The following ERC2 variants were observed in gnomAD, a reference collection of about 807,000 sequenced individuals.
ERC2 encodes ELKS/RAB6-interacting/CAST family member 2, also known as ERC protein 2.
A neutral mutation model predicts 114.8 loss-of-function variants in ERC2; 42 were observed. The observed-to-expected ratio is 0.37, with a 90% CI of 0.29 to 0.47. The LOEUF (loss-of-function observed/expected upper bound fraction) is 0.47, where lower values mean the gene tolerates loss of function less well. ERC2 is among the 20% of genes least tolerant of loss of function. The pLI, the probability that ERC2 is intolerant of heterozygous loss-of-function variation, is 0.99. For synonymous variants in ERC2, 454 were observed against 425.5 expected (o/e 1.07, Z -0.82); for missense variants, 939 against 1,150.7 (o/e 0.82, Z 2.66).
intron 3 of ERC2, among the ~76,000 whole-genome samples, chr3:56,207,076 AT>A (rs2048779301): frequency 6.6e-6 from 1 of 152,174 alleles, no homozygotes; most frequent in Admixed American, 6.5e-5. Context: ...AGATAGGAAG[AT>A]TATCATTAGT....
intron 17 of ERC2, among the ~76,000 whole-genome samples, chr3:55,556,891 G>A (rs367848482): frequency 3.3e-5 from 5 of 152,300 alleles, no homozygotes; most frequent in South Asian, 4.2e-4. Context: ...CTGAATAGGG[G>A]ATAGAGAAGA....
chr3:55,962,228 G>C (rs527991933), intron 12 of ERC2, among the ~76,000 whole-genome samples: 16 of 152,308 alleles, frequency 1.1e-4, no homozygotes, highest in Admixed American at 3.9e-4. Context: ...CAGACTGATG[G>C]CTTGTTCTCA....
chr3:55,623,814 T>G (rs1676337033), intron 17 of ERC2, among the ~76,000 whole-genome samples: 1 of 152,222 alleles, frequency 6.6e-6, no homozygotes, highest in South Asian at 2.1e-4. Context: ...CCTGTCCAGG[T>G]GTGCTCTCGC....
intron 2 of ERC2, among the ~76,000 whole-genome samples, chr3:56,319,242 T>C (rs1219446727): frequency 6.6e-6 from 1 of 151,804 alleles, no homozygotes; most frequent in East Asian, 1.9e-4. Context: ...TGAAACTAAG[T>C]GTTCATAAAT....
intron 13 of ERC2, among the ~76,000 whole-genome samples, chr3:55,909,045 T>C (rs570224184): frequency 7.6e-4 from 116 of 152,284 alleles, no homozygotes; most frequent in African/African-American, 2.6e-3. Context: ...CACTATTATT[T>C]CCATGTTACA....
rs1331269930 is a variant in ERC2, at chr3:55,808,740, T to TAA, written c.2565-73823_2565-73822insTT. Among the ~76,000 whole-genome samples the TAA allele has an allele frequency of 8.3e-3, 684 of 82,740 alleles. 5 individuals are homozygous for TAA. The highest frequency in any genetic ancestry group is 0.012 in the Non-Finnish European group (492 of 40,006). 54.3% of individuals were successfully genotyped at this position (82,740 alleles called of 152,430 possible). A position where few individuals can be genotyped will look rare whatever the true frequency, so the allele number is the denominator to read the frequency against. On this transcript the variant is annotated intron_variant, in intron 14 of 17. Coordinates refer to ENST00000288221, the MANE Select transcript of ERC2 (RefSeq NM_015576.3). ...ATATATATATATATATATATATATA[T>TAA]ATAACGTATAACTAAACATATATAT...
intron 6 of ERC2, among the ~76,000 whole-genome samples, chr3:56,137,180 A>G (rs887234445): frequency 1.3e-5 from 2 of 152,178 alleles, no homozygotes; most frequent in African/African-American, 4.8e-5. Flanking sequence ...CTGGCTCCTC[A>G]TTCATTTTCT....
At chr3:56,222,751 A>AC (rs1338996327) in intron 3 of ERC2, among the ~76,000 whole-genome samples, 1 of 152,258 alleles carries the variant, frequency 6.6e-6, no homozygotes, top group Non-Finnish European at 1.5e-5. Context: ...CAAATGCTAT[A>AC]CAACCGCTAT....
intron 15 of ERC2, among the ~76,000 whole-genome samples, chr3:55,709,250 G>A (rs986178088): frequency 9.9e-5 from 15 of 151,946 alleles, no homozygotes; most frequent in Admixed American, 9.8e-4. Context: ...GAAAGAGGCC[G>A]TGAGAGTCTT....
intron 17 of ERC2, among the ~76,000 whole-genome samples, chr3:55,529,889 C>G (rs1477018996): frequency 6.6e-6 from 1 of 152,154 alleles, no homozygotes; most frequent in East Asian, 1.9e-4. Context: ...GAGTTCTAGT[C>G]CCAATATTGC....
At chr3:55,903,802 C>T (rs530174628) in intron 13 of ERC2, among the ~76,000 whole-genome samples, 1 of 152,360 alleles carries the variant, frequency 6.6e-6, no homozygotes, top group African/African-American at 2.4e-5. Context: ...GAGGCCAGGG[C>T]TGTCAGGCCC....
chr3:56,287,235 C>T (rs768802414), intron 3 of ERC2, among the ~76,000 whole-genome samples: 2 of 152,152 alleles, frequency 1.3e-5, no homozygotes, highest in Non-Finnish European at 2.9e-5. Context: ...AAATACTCAA[C>T]AAAAACTAGG....
Position 55,907,618 on chromosome 3 carries a change from G to A in ERC2, c.2404-19069C>T, listed in dbSNP as rs150169063. On this transcript the variant is annotated intron_variant, in intron 13 of 17. Coordinates refer to ENST00000288221, the MANE Select transcript of ERC2 (RefSeq NM_015576.3). ...CCCACCCCATAGTTTTCAGTGTGAT[G>A]GGAGAGATCCATCAGTATAAAACAT... Among the ~76,000 whole-genome samples, 30 of 152,290 alleles carry A rather than the reference G, an allele frequency of 2.0e-4. No individual in the cohort carries two copies. The East Asian group carries it at 5.2e-3, about 27-fold the overall frequency.
chr3:56,272,411 T>C (rs1347972228), intron 3 of ERC2, among the ~76,000 whole-genome samples: 1 of 152,190 alleles, frequency 6.6e-6, no homozygotes, highest in East Asian at 1.9e-4. Context: ...CATTTTCCCA[T>C]CCTTGGTGAC....
intron 12 of ERC2, among the ~76,000 whole-genome samples, chr3:55,962,720 G>A (rs2068473269): frequency 6.6e-6 from 1 of 152,214 alleles, no homozygotes; most frequent in Non-Finnish European, 1.5e-5. Flanking sequence ...ACCGTCGAAA[G>A]TTACAGAGCT....
intron 4 of ERC2, among the ~76,000 whole-genome samples, chr3:56,171,943 G>A (rs1431920682): frequency 6.9e-6 from 1 of 145,664 alleles, no homozygotes; most frequent in Non-Finnish European, 1.5e-5. Context: ...GTGTGGAGGT[G>A]GATGGAAGGG....
In ERC2 at chr3:56,228,320, T is replaced by C. The variant is rs1222257241; in HGVS notation, c.1075-54800A>G. Among the ~76,000 whole-genome samples, 9 of 152,302 alleles carry C rather than the reference T, an allele frequency of 5.9e-5. No homozygotes were observed. In the East Asian group the frequency reaches 1.5e-3, roughly 26 times the overall value. On this transcript the variant is annotated intron_variant, in intron 3 of 17. Transcript: ENST00000288221. The stretch of plus-strand genomic sequence containing the variant: ...CCATCCATCTCCGGAACTTCCCAAA[T>C]TGAAATTCCATGTTCATTAAACAAT...
intron 15 of ERC2, among the ~76,000 whole-genome samples, chr3:55,723,097 A>G (rs2064681454): frequency 6.6e-6 from 1 of 152,238 alleles, no homozygotes; most frequent in Non-Finnish European, 1.5e-5. Flanking sequence ...GGTAAAATTA[A>G]TGACTGCAAA....
At position 55,953,302 on chromosome 3, in the gene ERC2, C is replaced by G. The variant is rs531222764; in HGVS notation, c.2268-2742G>C. ...TCTCCAGCCATTCCTTTAAACACTC[C>G]CTTATTTAAGACAACAGTGACTGAA... On this transcript the variant is annotated intron_variant, in intron 12 of 17. Coordinates refer to ENST00000288221, the MANE Select transcript of ERC2 (RefSeq NM_015576.3). 1.1e-3 allele frequency among the ~76,000 whole-genome samples: 165 copies of G among 152,112 alleles called. 1 individual carries two copies. Among genetic ancestry groups the G allele is most frequent in the Non-Finnish European group, 1.9e-3 (132 of 67,990 alleles).
Sources: allele counts gnomAD v4.1 joint callset (sites outside exome capture counted in the v4.1 genomes callset), GRCh38; gene constraint gnomAD v4.1.1; transcripts MANE v1.5; gene names NCBI Gene and HGNC (gene_info 2026-07-23, HGNC 2026-07-21).